Variants in WWC2 observed in about 807,000 individuals in gnomAD.
The protein encoded by WWC2 is WW and C2 domain containing 2, also known as protein WWC2.
WWC2 carries 101 observed loss-of-function variants against 138.5 expected under a neutral mutation model. That is an observed-to-expected ratio of 0.73 (90% confidence interval 0.62 to 0.86). The LOEUF (loss-of-function observed/expected upper bound fraction) is 0.86. Ranked by LOEUF, WWC2 falls within the 40% of genes least tolerant of loss-of-function variation. The probability of loss-of-function intolerance (pLI) is 0.00; values close to 1 mark genes in which losing one functional copy is unlikely to be tolerated. For missense variants in WWC2, 1,420 were observed against 1,419.4 expected, an observed-to-expected ratio of 1.00 and a Z score of -0.01; for synonymous variants, 558 against 538.4, an observed-to-expected ratio of 1.04 and a Z score of -0.50.
At chr4:183,263,208 T>C (rs1402825354) in intron 11 of WWC2, among the ~76,000 whole-genome samples, 1 of 152,234 alleles carries the variant, frequency 6.6e-6, no homozygotes, top group Non-Finnish European at 1.5e-5. Context: ...AGTTTTGCTC[T>C]TCCTGTATTT....
chr4:183,178,389 T>TAAA (rs1734524343), intron 1 of WWC2, among the ~76,000 whole-genome samples: 1 of 145,624 alleles, frequency 6.9e-6, no homozygotes, highest in South Asian at 2.1e-4. Context: ...AATAAATAAA[T>TAAA]AAATAAATAA....
chr4:183,211,059 G>C (rs1381324070), intron 4 of WWC2, among the ~76,000 whole-genome samples: 1 of 152,200 alleles, frequency 6.6e-6, no homozygotes, highest in African/African-American at 2.4e-5. Flanking sequence ...TTGTTATTCA[G>C]ATCAAAGTAT....
At chr4:183,245,636 G>T in intron 6 of WWC2, 91 bp downstream of exon 6, 1 of 1,381,964 alleles carries the variant, frequency 7.2e-7, no homozygotes, top group Non-Finnish European at 9.5e-7. Flanking sequence ...CTCAGAGTCT[G>T]GATGACCCTT....
chr4:183,137,702 T>C (rs187086303), intron 1 of WWC2, among the ~76,000 whole-genome samples: 6 of 152,318 alleles, frequency 3.9e-5, no homozygotes, highest in Admixed American at 3.3e-4. Flanking sequence ...TTTTGCCATG[T>C]TGCCCAGGCT....
chr4:183,139,989 T>G (rs1331308967), intron 1 of WWC2, among the ~76,000 whole-genome samples: 2 of 152,086 alleles, frequency 1.3e-5, no homozygotes, highest in East Asian at 3.9e-4. Context: ...ATTTCGTATT[T>G]TTAGTAGAGA....
chr4:183,288,954 T>C (rs1738343340), intron 20 of WWC2, among the ~76,000 whole-genome samples: 1 of 152,234 alleles, frequency 6.6e-6, no homozygotes, highest in South Asian at 2.1e-4. Context: ...CTAGGCGGGC[T>C]TCATGCAATC....
chr4:183,189,765 CA>C (rs1433401389), intron 1 of WWC2, among the ~76,000 whole-genome samples: 2 of 152,152 alleles, frequency 1.3e-5, no homozygotes, highest in African/African-American at 4.8e-5. Flanking sequence ...TGAATTGTGG[CA>C]AGAGTTTTAG....
At chr4:183,264,882 A>G in intron 11 of WWC2, 96 bp from the exon 12 acceptor site, 1 of 1,259,934 alleles carries the variant, frequency 7.9e-7, no homozygotes, top group Non-Finnish European at 1.0e-6. Context: ...AGGAAATCTT[A>G]TTTTGGATTG....
chr4:183,187,436 C>G (rs912463406), intron 1 of WWC2, among the ~76,000 whole-genome samples: 3 of 151,394 alleles, frequency 2.0e-5, no homozygotes. Context: ...CACCTGTAGT[C>G]CCAGCTACAC....
chr4:183,111,644 T>G (rs184306820), intron 1 of WWC2, among the ~76,000 whole-genome samples: 38 of 152,240 alleles, frequency 2.5e-4, no homozygotes, highest in African/African-American at 8.9e-4. Context: ...TTTTCTTATC[T>G]GCTGCTTATC....
chr4:183,236,607 T>C (rs1416246570), intron 4 of WWC2, among the ~76,000 whole-genome samples: 1 of 152,242 alleles, frequency 6.6e-6, no homozygotes, highest in Non-Finnish European at 1.5e-5. Context: ...TTTGTCTGAC[T>C]ATTAAGCTAG....
At chr4:183,310,991 A>G (rs1739194660) in intron 21 of WWC2, among the ~76,000 whole-genome samples, 1 of 152,196 alleles carries the variant, frequency 6.6e-6, no homozygotes, top group Non-Finnish European at 1.5e-5. Context: ...AAATGGAGAA[A>G]CTAAGACACC....
In WWC2 at chr4:183,286,772, C is replaced by T. The variant is rs148346072; in HGVS notation, c.3141+713C>T. On this transcript the variant is annotated intron_variant, in intron 20 of 22. Coordinates refer to ENST00000403733, the MANE Select transcript of WWC2 (RefSeq NM_024949.6). ...AGCTCTGTTGACGGCGAACTCACAC[C>T]CTCAGGAGTCCATGGTCTAGAGGAG... Among the ~76,000 whole-genome samples the T allele has an allele frequency of 7.6e-3, 1,157 of 152,160 alleles. 13 individuals are homozygous for T. Among genetic ancestry groups the T allele is most frequent in the African/African-American group, 0.026 (1,099 of 41,496 alleles).
intron 1 of WWC2, among the ~76,000 whole-genome samples, chr4:183,119,272 A>G (rs765529913): frequency 6.6e-6 from 1 of 152,198 alleles, no homozygotes; most frequent in Non-Finnish European, 1.5e-5. Flanking sequence ...TGGCTGGACT[A>G]CAGAAGTTAC....
chr4:183,160,827 T>C (rs999801807), intron 1 of WWC2, among the ~76,000 whole-genome samples: 1 of 152,140 alleles, frequency 6.6e-6, no homozygotes, highest in African/African-American at 2.4e-5. Flanking sequence ...TTCCAAGGAT[T>C]ATTTAAGGTG....
chr4:183,263,231 A>C (rs1455804909), intron 11 of WWC2, among the ~76,000 whole-genome samples: 11 of 152,206 alleles, frequency 7.2e-5, no homozygotes. Context: ...AGTGGTATCT[A>C]GTGACCACTT....
chr4:183,252,663 G>A (rs1188255633), intron 8 of WWC2, among the ~76,000 whole-genome samples: 2 of 152,170 alleles, frequency 1.3e-5, no homozygotes, highest in East Asian at 1.9e-4. Flanking sequence ...AAGGTCCACC[G>A]TATGCTGCCT....
At position 183,209,014 on chromosome 4, in the gene WWC2, A is replaced by G; in HGVS notation, c.511A>G (p.Thr171Ala). 1 of 1,569,200 alleles carries G rather than the reference A, an allele frequency of 6.4e-7. No homozygotes were observed. The highest frequency in any genetic ancestry group is 1.7e-4 in the Middle Eastern group (1 of 6,008). The stretch of plus-strand genomic sequence containing the variant: ...TATTTTAAAAGCTGAGATCTCCACT[A>G]CAAGATTAAGGGTAAGAAGTTTTAA... The part of the protein sequence containing the change: ...PDILKAEIST[T>A]RLRVKKLKRE... Residue 171 changes from threonine to alanine, a missense_variant, in exon 4 of 23, where the codon ACA becomes GCA. Thr to Ala is a moderately conservative substitution (Grantham distance 58). Transcript: ENST00000403733.
intron 1 of WWC2, among the ~76,000 whole-genome samples, chr4:183,141,150 C>A (rs745729571): frequency 6.6e-6 from 1 of 152,178 alleles, no homozygotes; most frequent in Non-Finnish European, 1.5e-5. Context: ...TAACAAAATA[C>A]CACTGACTGA....
Sources: gnomAD v4.1 joint callset for allele counts (sites outside exome capture counted in the v4.1 genomes callset) on GRCh38, gnomAD v4.1.1 for gene constraint, MANE v1.5 for transcripts, NCBI Gene and HGNC (gene_info 2026-07-23, HGNC 2026-07-21) for gene names.